The following ZNF503 variants were observed in gnomAD, a reference collection of about 807,000 sequenced individuals.
ZNF503 encodes zinc finger protein 503.
Under a neutral mutation model 34.4 loss-of-function variants are expected in ZNF503, and 15 were observed. That is an observed-to-expected ratio of 0.44 (90% CI 0.29 to 0.67). The LOEUF is 0.67. Ranked by LOEUF, ZNF503 falls within the 30% of genes least tolerant of loss-of-function variation. The pLI, the probability that ZNF503 is intolerant of heterozygous loss-of-function variation, is 0.13. For synonymous variants in ZNF503, 580 were observed against 456.8 expected (o/e 1.27, Z -3.44); for missense variants, 1,007 against 926.8 (o/e 1.09, Z -1.12).
the ZNF503 span, among the ~76,000 whole-genome samples, chr10:75,376,518 C>G: frequency 2.4e-4 from 37 of 152,198 alleles, no homozygotes; most frequent in Non-Finnish European, 4.9e-4. Context: ...GTGGCACGCA[C>G]CTGTATTTCC....
chr10:75,401,744 T>A lies in ZNF503; in HGVS notation c.-325A>T, dbSNP rs1026695948. 4 of 357,406 alleles carry A rather than the reference T, an allele frequency of 1.1e-5. No homozygotes were observed. Among genetic ancestry groups the A allele is most frequent in the Non-Finnish European group, 2.0e-5 (4 of 199,830 alleles). 22.1% of individuals were successfully genotyped at this position (357,406 alleles called of 1,614,324 possible). A position where few individuals can be genotyped will look rare whatever the true frequency, so the allele number is the denominator to read the frequency against. On this transcript the variant is annotated 5_prime_UTR_variant, in exon 1 of 2. Transcript: ENST00000372524. ...CGCTGCGCTCTGCGATGCGAGCCGC[T>A]GCGTGTCCAGCCGGGGCTCTGGCGA... is the stretch of plus-strand genomic sequence containing the variant.
At chr10:75,353,534 T>G in the ZNF503 span, among the ~76,000 whole-genome samples, 2 of 152,088 alleles carry the variant, frequency 1.3e-5, no homozygotes, top group Non-Finnish European at 2.9e-5. Context: ...AAAACCCAAC[T>G]GAGGAGGCAG....
chr10:75,381,030 C>T, the ZNF503 span, among the ~76,000 whole-genome samples: 1 of 152,182 alleles, frequency 6.6e-6, no homozygotes. Flanking sequence ...GAAATCCAGG[C>T]CCTCCAATCT....
At chr10:75,365,890 G>A in the ZNF503 span, among the ~76,000 whole-genome samples, 1 of 152,206 alleles carries the variant, frequency 6.6e-6, no homozygotes, top group Non-Finnish European at 1.5e-5. Flanking sequence ...ATTAACCAAT[G>A]AAGGGTGGCT....
the ZNF503 span, among the ~76,000 whole-genome samples, chr10:75,333,333 C>A: frequency 2.0e-5 from 1 of 50,584 alleles, no homozygotes; most frequent in East Asian, 6.5e-4. Flanking sequence ...GGCAGAGGGG[C>A]TCCTCACTTC....
At chr10:75,301,817 C>T in the ZNF503 span, among the ~76,000 whole-genome samples, 5 of 151,528 alleles carry the variant, frequency 3.3e-5, no homozygotes, top group African/African-American at 7.3e-5. Context: ...TATATTACAT[C>T]GAAATATGTT....
chr10:75,307,349 C>T, the ZNF503 span, among the ~76,000 whole-genome samples: 2 of 152,234 alleles, frequency 1.3e-5, no homozygotes, highest in South Asian at 2.1e-4. Context: ...GAAGCCAAAG[C>T]CTAATCCAGA....
Position 75,401,414 on chromosome 10 carries a change from G to T in ZNF503, c.6C>A (p.Ser2Arg), listed in dbSNP as rs1418005586. 2 of 1,536,812 alleles carry T rather than the reference G, an allele frequency of 1.3e-6. No homozygotes were observed. The highest frequency in any genetic ancestry group is 2.4e-5 in the South Asian group (2 of 83,872). ...TTAGGGCAGAAAGCGAGGGCGCTGT[G>T]CTCATGACCCACCCGCGCGCATGGG... M[S>R]TAPSLSALRS... The change falls in exon 1 of 2, where the codon AGC becomes AGA. Residue 2 changes from serine to arginine, a missense_variant. Ser to Arg is a moderately radical substitution (Grantham distance 110). Coordinates refer to ENST00000372524, the MANE Select transcript of ZNF503 (RefSeq NM_032772.6).
At chr10:75,326,649 AT>A in the ZNF503 span, among the ~76,000 whole-genome samples, 28 of 147,230 alleles carry the variant, frequency 1.9e-4, no homozygotes, top group East Asian at 6.0e-4. Flanking sequence ...TTATTGTTTT[AT>A]TTTTTTTTCT....
chr10:75,395,445 CG>C (rs1015762571), downstream of ZNF503, among the ~76,000 whole-genome samples: 4 of 152,092 alleles, frequency 2.6e-5, no homozygotes, highest in African/African-American at 7.2e-5. This position sits in a 1 kb window ranked among gnomAD's most constrained non-coding sequence, Gnocchi z 4.4. Flanking sequence ...GCGCGCTGGC[CG>C]GGGTTCCAGG....
At chr10:75,297,096 G>A in the ZNF503 span, among the ~76,000 whole-genome samples, 2 of 152,038 alleles carry the variant, frequency 1.3e-5, no homozygotes, top group African/African-American at 4.8e-5. Flanking sequence ...AAGAGTGCCA[G>A]CCTCTTTCAG....
the ZNF503 span, among the ~76,000 whole-genome samples, chr10:75,364,299 C>G: frequency 6.6e-6 from 1 of 152,208 alleles, no homozygotes; most frequent in Admixed American, 6.5e-5. Context: ...CTTCTGACCA[C>G]TTTTACCCCA....
chr10:75,283,554 T>G, the ZNF503 span, among the ~76,000 whole-genome samples: 1 of 152,048 alleles, frequency 6.6e-6, no homozygotes, highest in Non-Finnish European at 1.5e-5. Context: ...TGTCGTCCCC[T>G]GTATGTTTCG....
At chr10:75,389,133 A>G in the ZNF503 span, among the ~76,000 whole-genome samples, 1 of 152,326 alleles carries the variant, frequency 6.6e-6, no homozygotes, top group Non-Finnish European at 1.5e-5. Flanking sequence ...AGATGTTTGT[A>G]AAGTGTATGA....
chr10:75,303,411 G>A, the ZNF503 span, among the ~76,000 whole-genome samples: 1 of 152,210 alleles, frequency 6.6e-6, no homozygotes, highest in Non-Finnish European at 1.5e-5. Flanking sequence ...AATAAGGATT[G>A]GGTGAGGGTC....
the ZNF503 span, among the ~76,000 whole-genome samples, chr10:75,282,460 G>A: frequency 6.6e-6 from 1 of 152,156 alleles, no homozygotes; most frequent in African/African-American, 2.4e-5. Flanking sequence ...GATAGAAAGA[G>A]TCTCAGTTCT....
chr10:75,358,675 A>C, the ZNF503 span: 1 of 152,168 alleles, frequency 6.6e-6, no homozygotes, highest in African/African-American at 2.4e-5. Context: ...ATTCCCAGAA[A>C]CTTCCAGCAG....
At chr10:75,360,359 C>T in the ZNF503 span, among the ~76,000 whole-genome samples, 3 of 152,198 alleles carry the variant, frequency 2.0e-5, no homozygotes, top group Non-Finnish European at 2.9e-5. Flanking sequence ...ATCTCTTGAC[C>T]TCGTGATCCA....
chr10:75,319,778 C>T, the ZNF503 span, among the ~76,000 whole-genome samples: 34,690 of 151,916 alleles, frequency 0.23, 4,494 homozygotes, highest in African/African-American at 0.35. Flanking sequence ...TCAGGTTTAC[C>T]GTAAAAGGCT....
Sources: gnomAD v4.1 joint callset for allele counts (sites outside exome capture counted in the v4.1 genomes callset) on GRCh38, gnomAD v4.1.1 for gene constraint, Gnocchi (gnomAD v3.1) non-coding constraint, MANE v1.5 for transcripts, NCBI Gene and HGNC (gene_info 2026-07-23, HGNC 2026-07-21) for gene names.